The following TAS2R1 variants were observed in gnomAD, a reference collection of about 807,000 sequenced individuals.
TAS2R1 encodes the protein taste receptor type 2 member 1.
For missense variants in TAS2R1, 370 were observed against 353.4 expected, an observed-to-expected ratio of 1.05 and a Z score of -0.38; for synonymous variants, 141 against 134.2, an observed-to-expected ratio of 1.05 and a Z score of -0.35.
At chr5:9,896,957 T>G in the TAS2R1 span, among the ~76,000 whole-genome samples, 7 of 152,140 alleles carry the variant, frequency 4.6e-5, no homozygotes, top group African/African-American at 1.7e-4. Context: ...AGAATGAATG[T>G]CGATGGTTCA....
chr5:9,786,449 G>A, the TAS2R1 span, among the ~76,000 whole-genome samples: 1 of 152,162 alleles, frequency 6.6e-6, no homozygotes, highest in Non-Finnish European at 1.5e-5. Flanking sequence ...GAAGGGATGT[G>A]AATTTCAAAG....
intron 1 of TAS2R1, among the ~76,000 whole-genome samples, chr5:9,706,021 T>C (rs921997341): frequency 6.6e-6 from 1 of 152,156 alleles, no homozygotes; most frequent in Non-Finnish European, 1.5e-5. Flanking sequence ...TGGAAGAAGC[T>C]AGAAGTCCCT....
chr5:9,723,546 CTCCT>C, the TAS2R1 span, among the ~76,000 whole-genome samples: 2 of 152,226 alleles, frequency 1.3e-5, no homozygotes, highest in Non-Finnish European at 2.9e-5. Flanking sequence ...CTTCCCAGGG[CTCCT>C]TCCATTAGGA....
At chr5:9,731,459 C>T in the TAS2R1 span, among the ~76,000 whole-genome samples, 9 of 151,620 alleles carry the variant, frequency 5.9e-5, no homozygotes, top group Non-Finnish European at 7.4e-5. Context: ...AGTCTGCCCC[C>T]ACCCAGCGGC....
the TAS2R1 span, among the ~76,000 whole-genome samples, chr5:9,747,372 T>C: frequency 6.6e-6 from 1 of 152,172 alleles, no homozygotes; most frequent in Non-Finnish European, 1.5e-5. Context: ...CTCACAGTTC[T>C]GTAGAACATT....
upstream of TAS2R1, chr5:9,712,245 C>G (rs1734700398): frequency 6.6e-6 from 1 of 152,120 alleles, no homozygotes; most frequent in Non-Finnish European, 1.5e-5. Context: ...AGGCACAGTC[C>G]AGGTTCTCTG....
the TAS2R1 span, among the ~76,000 whole-genome samples, chr5:9,830,829 A>T: frequency 6.6e-6 from 1 of 152,212 alleles, no homozygotes; most frequent in African/African-American, 2.4e-5. Context: ...GGTCACAAAG[A>T]TCATCCAGTT....
At chr5:9,824,832 A>T in the TAS2R1 span, among the ~76,000 whole-genome samples, 2 of 118,436 alleles carry the variant, frequency 1.7e-5, no homozygotes, top group Non-Finnish European at 3.4e-5. Flanking sequence ...GGGCAACAAG[A>T]GTGAAAACTC....
chr5:9,759,390 C>T, the TAS2R1 span, among the ~76,000 whole-genome samples: 1 of 152,200 alleles, frequency 6.6e-6, no homozygotes, highest in South Asian at 2.1e-4. Flanking sequence ...AAGTCGATGG[C>T]AATGTTGTCA....
chr5:9,843,207 G>T, the TAS2R1 span, among the ~76,000 whole-genome samples: 4 of 152,104 alleles, frequency 2.6e-5, no homozygotes, highest in African/African-American at 7.2e-5. Flanking sequence ...ATTTGTGATT[G>T]AAGTTTTTGT....
chr5:9,875,952 C>T, the TAS2R1 span, among the ~76,000 whole-genome samples: 10 of 152,308 alleles, frequency 6.6e-5, no homozygotes, highest in East Asian at 1.9e-3. Context: ...AGATCAACCT[C>T]TTCATTTCTG....
chr5:9,799,352 G>A, the TAS2R1 span, among the ~76,000 whole-genome samples: 1 of 152,172 alleles, frequency 6.6e-6, no homozygotes. Context: ...ATCTTCCAAA[G>A]AGAATTTCCT....
At chr5:9,869,514 A>C in the TAS2R1 span, among the ~76,000 whole-genome samples, 170 of 152,298 alleles carry the variant, frequency 1.1e-3, 1 homozygote, top group Middle Eastern at 3.4e-3. Flanking sequence ...ACATGTGGAG[A>C]TTATGAGAGC....
At chr5:9,824,266 C>T in the TAS2R1 span, among the ~76,000 whole-genome samples, 1 of 152,190 alleles carries the variant, frequency 6.6e-6, no homozygotes, top group Non-Finnish European at 1.5e-5. Flanking sequence ...CCTATCTCTC[C>T]AGTAGTCCCC....
the TAS2R1 span, among the ~76,000 whole-genome samples, chr5:9,804,034 A>C: frequency 6.6e-6 from 1 of 152,182 alleles, no homozygotes; most frequent in African/African-American, 2.4e-5. Context: ...CTTAAGGTAA[A>C]GGGGAGGAAA....
chr5:9,736,553 G>A, the TAS2R1 span, among the ~76,000 whole-genome samples: 1 of 152,194 alleles, frequency 6.6e-6, no homozygotes, highest in Non-Finnish European at 1.5e-5. Flanking sequence ...CCATTCTCCA[G>A]TTGGCCACGG....
At chr5:9,817,099 G>T in the TAS2R1 span, among the ~76,000 whole-genome samples, 1 of 152,144 alleles carries the variant, frequency 6.6e-6, no homozygotes, top group Non-Finnish European at 1.5e-5. Context: ...GGACTTTGAA[G>T]TCTACAAAAG....
At chr5:9,836,261 T>C in the TAS2R1 span, among the ~76,000 whole-genome samples, 2 of 152,010 alleles carry the variant, frequency 1.3e-5, no homozygotes, top group Admixed American at 6.6e-5. Flanking sequence ...GTCTTGGGTA[T>C]GTCTTTACCA....
chr5:9,832,651 GC>G, the TAS2R1 span, among the ~76,000 whole-genome samples: 1 of 152,178 alleles, frequency 6.6e-6, no homozygotes, highest in African/African-American at 2.4e-5. Flanking sequence ...AGCAAAATGA[GC>G]CAACTATGTG....
Sources: gnomAD v4.1 joint callset for allele counts (sites outside exome capture counted in the v4.1 genomes callset) on GRCh38, gnomAD v4.1.1 for gene constraint, MANE v1.5 for transcripts, NCBI Gene and HGNC (gene_info 2026-07-23, HGNC 2026-07-21) for gene names.